The following CCDC7 variants were observed in gnomAD, a reference collection of about 807,000 sequenced individuals.
CCDC7 encodes coiled-coil domain containing 7, also known as coiled-coil domain-containing protein 7.
In CCDC7, 183 loss-of-function variants were observed where a neutral mutation model predicts 196.9. The observed-to-expected ratio is 0.93, with a 90% CI of 0.82 to 1.05. CCDC7 has a LOEUF of 1.05. Ranked by LOEUF, CCDC7 falls within the 50% of genes least tolerant of loss-of-function variation. CCDC7 has a pLI of 0.00. For synonymous variants in CCDC7, 525 were observed against 484.6 expected, an observed-to-expected ratio of 1.08 and a Z score of -1.10; for missense variants, 1,540 against 1,482.2, an observed-to-expected ratio of 1.04 and a Z score of -0.64.
intron 24 of CCDC7, among the ~76,000 whole-genome samples, chr10:32,709,661 C>G (rs2080475322): frequency 6.6e-6 from 1 of 152,020 alleles, no homozygotes; most frequent in African/African-American, 2.4e-5. Flanking sequence ...CTCACTCACC[C>G]ACTGCTCACC....
intron 28 of CCDC7, among the ~76,000 whole-genome samples, chr10:32,757,811 G>A (rs1016796712): frequency 1.3e-5 from 2 of 152,124 alleles, no homozygotes; most frequent in South Asian, 2.1e-4. Context: ...AATGAATCCA[G>A]GAGCTGTTTT....
chr10:32,490,889 T>C (rs528269336), intron 8 of CCDC7, among the ~76,000 whole-genome samples: 79 of 152,350 alleles, frequency 5.2e-4, no homozygotes, highest in Non-Finnish European at 7.8e-4. Context: ...CAAAAAATTA[T>C]AAATTTAATT....
intron 28 of CCDC7, among the ~76,000 whole-genome samples, chr10:32,770,561 T>C (rs1471177024): frequency 6.6e-6 from 1 of 152,176 alleles, no homozygotes; most frequent in Non-Finnish European, 1.5e-5. Context: ...GAATGTTCCA[T>C]GTGCTGATGA....
intron 24 of CCDC7, among the ~76,000 whole-genome samples, chr10:32,703,971 TA>T (rs1387174247): frequency 2.6e-5 from 4 of 152,126 alleles, no homozygotes; most frequent in African/African-American, 9.7e-5. Context: ...CTTCCTCCTT[TA>T]GCTCTGAGTA....
rs910729955 is a variant in CCDC7 at position 32,565,482 on chromosome 10, A to G, written c.1135-76A>G. ...TATCTTGGGTATCTATGGGTTTTGG[A>G]AAAGTAATACTGGTAAAACTAAATT... On this transcript the variant is annotated intron_variant, in intron 13 of 41. Coordinates refer to ENST00000639629, the Ensembl canonical transcript of CCDC7. 10 of 1,478,010 alleles carry G rather than the reference A, an allele frequency of 6.8e-6. 1 individual carries two copies. In the Admixed American group the frequency reaches 1.9e-4, roughly 28 times the overall value. 91.6% of individuals were successfully genotyped at this position (1,478,010 alleles called of 1,614,324 possible). A position where few individuals can be genotyped will look rare whatever the true frequency, so the allele number is the denominator to read the frequency against.
chr10:32,707,676 A>G (rs1284954344), intron 24 of CCDC7, among the ~76,000 whole-genome samples: 1 of 152,198 alleles, frequency 6.6e-6, no homozygotes, highest in African/African-American at 2.4e-5. Flanking sequence ...ACACACCAAT[A>G]ACAGACAAAC....
chr10:32,845,423 T>G, intron 34 of CCDC7, 97 bp downstream of exon 35: 1 of 1,206,696 alleles, frequency 8.3e-7, no homozygotes, highest in Non-Finnish European at 1.2e-6. Context: ...CTACCTATAT[T>G]ATAGTGTTAC....
intron 21 of CCDC7, among the ~76,000 whole-genome samples, chr10:32,669,248 C>G (rs891341994): frequency 1.3e-5 from 2 of 152,146 alleles, no homozygotes; most frequent in Non-Finnish European, 2.9e-5. Flanking sequence ...ATAAACCACA[C>G]TTGATCATGG....
At chr10:32,612,533 C>A (rs905978536) in intron 18 of CCDC7, among the ~76,000 whole-genome samples, 3 of 152,146 alleles carry the variant, frequency 2.0e-5, no homozygotes, top group Admixed American at 2.0e-4. Flanking sequence ...TTTGCCCATT[C>A]AGTATGATAT....
At chr10:32,592,082 T>G (rs991094886) in intron 18 of CCDC7, among the ~76,000 whole-genome samples, 2 of 152,224 alleles carry the variant, frequency 1.3e-5, no homozygotes, top group Non-Finnish European at 2.9e-5. Context: ...TGATTTAGTC[T>G]TGGTAGGTTG....
rs137979375 is a variant in CCDC7, at chr10:32,873,400, A to T, written c.4112-2947A>T. ...TTCAGCTCCATCAGGTCCTTTAAGG[A>T]CTTCTCTGCATTGGTTATTCTAGTT... On this transcript the variant is annotated intron_variant, in intron 41 of 41. Coordinates refer to ENST00000639629, the Ensembl canonical transcript of CCDC7. 8.2e-4 allele frequency among the ~76,000 whole-genome samples: 125 copies of T among 151,746 alleles called. 3 individuals carry two copies. In the East Asian group the frequency reaches 0.021, roughly 26 times the overall value.
intron 28 of CCDC7, among the ~76,000 whole-genome samples, chr10:32,734,956 T>A (rs2084615865): frequency 6.6e-6 from 1 of 152,038 alleles, no homozygotes; most frequent in Admixed American, 6.6e-5. Context: ...AAATAAATTT[T>A]AAAAAATGCA....
At chr10:32,738,268 A>G (rs889397243) in intron 28 of CCDC7, among the ~76,000 whole-genome samples, 2 of 152,138 alleles carry the variant, frequency 1.3e-5, no homozygotes, top group Admixed American at 1.3e-4. Flanking sequence ...ACTTTTAAAT[A>G]TCACTATATC....
intron 16 of CCDC7, among the ~76,000 whole-genome samples, chr10:32,576,658 C>G (rs2058229398): frequency 6.6e-6 from 1 of 151,416 alleles, no homozygotes; most frequent in Non-Finnish European, 1.5e-5. Flanking sequence ...TGAAGCCATC[C>G]TCCCACCTTA....
chr10:32,723,500 A>T (rs1036573617), intron 25 of CCDC7, among the ~76,000 whole-genome samples: 1 of 152,148 alleles, frequency 6.6e-6, no homozygotes, highest in African/African-American at 2.4e-5. Flanking sequence ...TTGGAAGAAT[A>T]GTCCAACTAT....
At chr10:32,641,747 GT>G (rs1456057467) in intron 20 of CCDC7, among the ~76,000 whole-genome samples, 1 of 152,170 alleles carries the variant, frequency 6.6e-6, no homozygotes, top group Non-Finnish European at 1.5e-5. Context: ...AGAGTTTCCA[GT>G]TTTTCTGTTC....
chr10:32,818,338 C>G (rs955573927), intron 31 of CCDC7, among the ~76,000 whole-genome samples: 7 of 152,182 alleles, frequency 4.6e-5, no homozygotes, highest in Non-Finnish European at 7.3e-5. Flanking sequence ...ATTTATAAAG[C>G]AAGTCCTTAG....
chr10:32,538,742 C>G (rs556907864), intron 11 of CCDC7, among the ~76,000 whole-genome samples: 61 of 152,088 alleles, frequency 4.0e-4, no homozygotes, highest in African/African-American at 1.2e-3. Context: ...TGAGATAATA[C>G]TATGGTTTTG....
rs60002951 is a variant in CCDC7 at position 32,459,646 on chromosome 10, A to ATTTTTTTTTTT, written c.457-3020_457-3010dup. On this transcript the variant is annotated intron_variant, in intron 3 of 41. Transcript: ENST00000639629. ...AAGCCTTTGGACTTCCCTGCTGCAC[A>ATTTTTTTTTTT]TTTTTTTTTTTTTTTTTTTTTTTTT... Among the ~76,000 whole-genome samples the ATTTTTTTTTTT allele has an allele frequency of 2.2e-4, 15 of 68,742 alleles. 3 individuals carry two copies. Among genetic ancestry groups the ATTTTTTTTTTT allele is most frequent in the African/African-American group, 8.6e-4 (12 of 13,976 alleles). The allele number at this position is 68,742 out of a possible 152,430, so 45.1% of individuals were successfully genotyped here. A position where few individuals can be genotyped will look rare whatever the true frequency, so the allele number is the denominator to read the frequency against.
Sources: allele counts gnomAD v4.1 joint callset (sites outside exome capture counted in the v4.1 genomes callset), GRCh38; gene constraint gnomAD v4.1.1; transcripts MANE v1.5; gene names NCBI Gene and HGNC (gene_info 2026-07-23, HGNC 2026-07-21).